ITPK1: variants seen among roughly 807,000 people sequenced by gnomAD.
ITPK1 encodes the protein inositol-tetrakisphosphate 1-kinase.
Under a neutral mutation model 45.3 loss-of-function variants are expected in ITPK1, and 21 were observed. The ratio of observed to expected loss-of-function variants is 0.46; its 90% CI spans 0.33 to 0.67. The LOEUF (loss-of-function observed/expected upper bound fraction) is 0.67, where lower values mean the gene tolerates loss of function less well. ITPK1 is among the 30% of genes least tolerant of loss of function. The pLI, the probability that ITPK1 is intolerant of heterozygous loss-of-function variation, is 0.02. For missense variants in ITPK1, 474 were observed against 573.5 expected (o/e 0.83, Z 1.77); for synonymous variants, 258 against 253.6 (o/e 1.02, Z -0.16).
rs559213320 is a variant in ITPK1, at chr14:93,024,680, A to G, written c.121-7879T>C. On this transcript the variant is annotated intron_variant, in intron 3 of 10. Coordinates refer to ENST00000267615, the MANE Select transcript of ITPK1 (RefSeq NM_014216.6). ...GCTGCAGTGAGCAAATGACAGACCT[A>G]ATCTCCTTAGCACATAATCTCCATG... Among the ~76,000 whole-genome samples, 7 of 152,340 alleles carry G rather than the reference A, an allele frequency of 4.6e-5. No homozygotes were observed. The South Asian group carries it at 1.4e-3, about 32-fold the overall frequency.
chr14:93,072,418 T>C (rs1322958797), intron 3 of ITPK1, among the ~76,000 whole-genome samples: 1 of 152,142 alleles, frequency 6.6e-6, no homozygotes, highest in Non-Finnish European at 1.5e-5. Flanking sequence ...AGATGAATAT[T>C]GCCTGTTGCT....
At chr14:93,009,952 C>T (rs565362067) in intron 4 of ITPK1, among the ~76,000 whole-genome samples, 3 of 152,154 alleles carry the variant, frequency 2.0e-5, no homozygotes, top group Non-Finnish European at 4.4e-5. Context: ...TTAACTTCCC[C>T]GGGCCGCAGT....
chr14:93,064,859 G>T (rs1890684329), intron 3 of ITPK1, among the ~76,000 whole-genome samples: 1 of 152,176 alleles, frequency 6.6e-6, no homozygotes, highest in African/African-American at 2.4e-5. Context: ...AGCTGAGGGT[G>T]GATCAAGGGG....
At chr14:93,092,924 C>T (rs1343511744) in intron 2 of ITPK1, among the ~76,000 whole-genome samples, 1 of 152,200 alleles carries the variant, frequency 6.6e-6, no homozygotes, top group African/African-American at 2.4e-5. Context: ...CAGACTCACC[C>T]ACCCTCCAGC....
At chr14:92,960,039 G>A (rs943970472) in intron 7 of ITPK1, among the ~76,000 whole-genome samples, 3 of 152,196 alleles carry the variant, frequency 2.0e-5, no homozygotes, top group Non-Finnish European at 2.9e-5. Flanking sequence ...AACCTCTGCC[G>A]ATCTGGTGGA....
At position 92,941,176 on chromosome 14, in the gene ITPK1, C is replaced by A. The variant is rs917491595; in HGVS notation, c.*385G>T. ...CCCACAGCCCGACATGGGCAGGCTT[C>A]CCCCAAGGGTCCCGGTCCACAGTGG... On this transcript the variant is annotated 3_prime_UTR_variant, in exon 11 of 11. Transcript: ENST00000267615. The A allele has an allele frequency of 1.6e-6, 2 of 1,229,960 alleles. No homozygotes were observed. The highest frequency in any genetic ancestry group is 2.1e-6 in the Non-Finnish European group (2 of 972,598). 76.2% of individuals were successfully genotyped at this position (1,229,960 alleles called of 1,614,324 possible). A position where few individuals can be genotyped will look rare whatever the true frequency, so the allele number is the denominator to read the frequency against.
intron 5 of ITPK1, among the ~76,000 whole-genome samples, chr14:92,967,130 C>G (rs967971953): frequency 6.6e-6 from 1 of 152,062 alleles, no homozygotes; most frequent in Non-Finnish European, 1.5e-5. Flanking sequence ...TCAAAGAGCA[C>G]TATAAAGAAA....
chr14:93,111,527 A>G lies in ITPK1; in HGVS notation c.95+3542T>C, dbSNP rs776756786. On this transcript the variant is annotated intron_variant, in intron 2 of 10. Transcript: ENST00000267615. ...GGAGTTCGAGACCAGCCTGGACAAC[A>G]TGGTAAAACTCCATCTCCACTAAAA... 3.9e-5 allele frequency among the ~76,000 whole-genome samples: 6 copies of G among 152,076 alleles called. No individual in the cohort carries two copies. The East Asian group carries it at 7.7e-4, about 20-fold the overall frequency.
chr14:93,064,491 C>G (rs891005726), intron 3 of ITPK1, among the ~76,000 whole-genome samples: 1 of 152,034 alleles, frequency 6.6e-6, no homozygotes, highest in Non-Finnish European at 1.5e-5. Context: ...GATCAAAGCC[C>G]CCTCTCAGGC....
chr14:92,942,956 C>T (rs998487901), intron 10 of ITPK1, among the ~76,000 whole-genome samples: 1 of 152,266 alleles, frequency 6.6e-6, no homozygotes, highest in African/African-American at 2.4e-5. Flanking sequence ...ACGGGGGCAC[C>T]CTGTGCCACC....
intron 4 of ITPK1, among the ~76,000 whole-genome samples, chr14:93,006,473 G>A (rs554503083): frequency 1.3e-5 from 2 of 152,348 alleles, no homozygotes; most frequent in East Asian, 3.9e-4. Context: ...CACGCAAATG[G>A]GGCACCCTGA....
At chr14:93,113,761 G>C (rs1401278834) in intron 2 of ITPK1, among the ~76,000 whole-genome samples, 1 of 152,208 alleles carries the variant, frequency 6.6e-6, no homozygotes, top group Non-Finnish European at 1.5e-5. Flanking sequence ...TGAAGAGCCT[G>C]TCTTCTAGGG....
At chr14:93,057,250 T>C (rs555119202) in intron 3 of ITPK1, among the ~76,000 whole-genome samples, 1 of 152,334 alleles carries the variant, frequency 6.6e-6, no homozygotes, top group South Asian at 2.1e-4. Flanking sequence ...CAGGCAGCCA[T>C]GTGTGCATTT....
intron 3 of ITPK1, among the ~76,000 whole-genome samples, chr14:93,053,622 T>G (rs1418920358): frequency 6.6e-6 from 1 of 152,204 alleles, no homozygotes; most frequent in Non-Finnish European, 1.5e-5. Context: ...GAGTGAGCCC[T>G]ATGCACACTG....
At chr14:93,010,009 T>C (rs1026976435) in intron 4 of ITPK1, among the ~76,000 whole-genome samples, 1 of 152,186 alleles carries the variant, frequency 6.6e-6, no homozygotes, top group Non-Finnish European at 1.5e-5. Flanking sequence ...TCTCAGGGAC[T>C]GAGATGGGGA....
intron 3 of ITPK1, among the ~76,000 whole-genome samples, chr14:93,045,055 G>A (rs1232143953): frequency 6.6e-6 from 1 of 152,214 alleles, no homozygotes; most frequent in African/African-American, 2.4e-5. Context: ...CCCTGACTTT[G>A]CAGCCCAGTG....
chr14:93,081,781 G>C (rs1566775541), intron 2 of ITPK1, among the ~76,000 whole-genome samples: 1 of 152,202 alleles, frequency 6.6e-6, no homozygotes, highest in Non-Finnish European at 1.5e-5. Context: ...CCCTCTCAGG[G>C]GGCGGGGGCT....
chr14:93,094,507 A>G (rs893058349), intron 2 of ITPK1, among the ~76,000 whole-genome samples: 1 of 152,112 alleles, frequency 6.6e-6, no homozygotes, highest in East Asian at 1.9e-4. Flanking sequence ...CCATCATTTT[A>G]TCAGTGCATG....
chr14:93,062,335 T>C (rs1173895999), intron 3 of ITPK1, among the ~76,000 whole-genome samples: 1 of 151,122 alleles, frequency 6.6e-6, no homozygotes, highest in African/African-American at 2.4e-5. Flanking sequence ...AAGGCTGAGG[T>C]GGGAGGATTG....
Sources: gnomAD v4.1 joint callset for allele counts (sites outside exome capture counted in the v4.1 genomes callset) on GRCh38, gnomAD v4.1.1 for gene constraint, MANE v1.5 for transcripts, NCBI Gene and HGNC (gene_info 2026-07-23, HGNC 2026-07-21) for gene names.